Variants in ANKRD52 observed in about 807,000 individuals in gnomAD.
ANKRD52 encodes the protein serine/threonine-protein phosphatase 6 regulatory ankyrin repeat subunit C.
ANKRD52 carries 7 observed loss-of-function variants against 116.0 expected under a neutral mutation model. The observed-to-expected ratio is 0.06, with a 90% CI of 0.03 to 0.11. ANKRD52 has a LOEUF of 0.11. Ranked by LOEUF, ANKRD52 falls within the 10% of genes least tolerant of loss-of-function variation. The pLI, the probability that ANKRD52 is intolerant of heterozygous loss-of-function variation, is 1.00. For missense variants in ANKRD52, 839 were observed against 1,408.6 expected (o/e 0.60, Z 6.47); for synonymous variants, 528 against 578.1 (o/e 0.91, Z 1.24).
At position 56,257,027 on chromosome 12, in the gene ANKRD52, G is replaced by A. The variant is rs71459350; in HGVS notation, c.249C>T (p.Ala83=). 6.2e-7 allele frequency: 1 copy of A among 1,613,396 alleles called. No homozygotes were observed. The highest frequency in any genetic ancestry group is 8.5e-7 in the Non-Finnish European group (1 of 1,179,652). ...TGGGGGTGCATACCTCGTTTCGGGA[G>A]GCAGCAGCACGATGAAGAGGGGTCA... ...LWLTPLHRAA[A]SRNEKVLGLL... is the part of the protein sequence containing the mutation. The change falls in exon 4 of 28, where the codon GCC becomes GCT. Residue 83 remains alanine, a synonymous_variant. Coordinates refer to ENST00000267116, the MANE Select transcript of ANKRD52 (RefSeq NM_173595.4).
chr12:56,256,489 C>T (rs1040378775), intron 4 of ANKRD52, among the ~76,000 whole-genome samples: 1 of 152,210 alleles, frequency 6.6e-6, no homozygotes. Context: ...CACCTCATTC[C>T]CACTGGCCTC....
rs1871726813 is a variant in ANKRD52, at chr12:56,252,100, G to A, written c.1512-5C>T. 6.2e-7 allele frequency: 1 copy of A among 1,613,972 alleles called. No homozygotes were observed. The highest frequency in any genetic ancestry group is 8.5e-7 in the Non-Finnish European group (1 of 1,179,888). ...GAAGGTGTATGGGGTTCCGCTCTGG[G>A]GAAGAGAGAGAGAAAGTTAGGGCCA... On this transcript the variant is annotated splice_polypyrimidine_tract_variant and splice_region_variant and intron_variant, in intron 14 of 27. Transcript: ENST00000267116. The surrounding 1 kb of genome is among the most constrained non-coding windows in gnomAD (Gnocchi z 4.7).
intron 15 of ANKRD52, among the ~76,000 whole-genome samples, chr12:56,251,130 G>A (rs950945893): frequency 4.6e-5 from 7 of 151,888 alleles, no homozygotes; most frequent in East Asian, 1.9e-4. Context: ...TAGTAGAGAC[G>A]GGGTTTCACC....
At position 56,252,227 on chromosome 12, in the gene ANKRD52, A is replaced by T; in HGVS notation, c.1459T>A (p.Cys487Ser). The change falls in exon 14 of 28, where the codon TGT becomes AGT. Residue 487 changes from cysteine (C) to serine (S), a missense_variant. Cys to Ser is a moderately radical substitution (Grantham distance 112, BLOSUM62 -1). This residue lies in a region of ANKRD52 where 552 missense variants were observed against 810.6 expected (regional missense o/e 0.68). Coordinates refer to ENST00000267116, the MANE Select transcript of ANKRD52 (RefSeq NM_173595.4). This position sits in a 1 kb window ranked among gnomAD's most constrained non-coding sequence, Gnocchi z 4.7. Reference sequence around the variant, plus strand: ...TAGTGGAGGGGAGAGCAGCCTTTACAGTCGGCCTCGTTGACACCTGCCCCA... The same window carrying T: ...TAGTGGAGGGGAGAGCAGCCTTTACTGTCGGCCTCGTTGACACCTGCCCCA... ...TAGAGVNEAD[C>S]KGCSPLHYAA... 5.6e-6 allele frequency: 9 copies of T among 1,613,976 alleles called. No individual in the cohort carries two copies. The highest frequency in any genetic ancestry group is 7.6e-6 in the Non-Finnish European group (9 of 1,179,878).
Position 56,243,379 on chromosome 12 carries a change from T to A in ANKRD52, c.2994A>T (p.Ala998=). Residue 998 remains alanine (A), a synonymous_variant, in exon 28 of 28, where the codon GCA becomes GCT. Transcript: ENST00000267116. The surrounding 1 kb of genome is among the most constrained non-coding windows in gnomAD (Gnocchi z 4.6). The part of the protein sequence containing the change: ...LAVDEEGHTP[A]LACAPNKDVA... ...CATCTTTGTTGGGGGCACAGGCCAG[T>A]GCTGGGGTGTGACCTGCAGGGCCAA... The A allele has an allele frequency of 6.2e-7, 1 of 1,613,806 alleles. No individual in the cohort carries two copies. The highest frequency in any genetic ancestry group is 2.2e-5 in the East Asian group (1 of 44,874).
Position 56,243,386 on chromosome 12 carries a change from G to A in ANKRD52, c.2987C>T (p.Thr996Ile), listed in dbSNP as rs1259277136. Reference sequence around the variant, plus strand: ...GTTGGGGGCACAGGCCAGTGCTGGGGTGTGACCTGCAGGGCCAAGGGGGAG... The same window carrying A: ...GTTGGGGGCACAGGCCAGTGCTGGGATGTGACCTGCAGGGCCAAGGGGGAG... ...TVLAVDEEGH[T>I]PALACAPNKD... Residue 996 changes from threonine (T) to isoleucine (I), a missense_variant, in exon 28 of 28, where the codon ACC becomes ATC. This residue lies in a region of ANKRD52 where 552 missense variants were observed against 810.6 expected (regional missense o/e 0.68). Coordinates refer to ENST00000267116, the MANE Select transcript of ANKRD52 (RefSeq NM_173595.4). The surrounding 1 kb of genome is among the most constrained non-coding windows in gnomAD (Gnocchi z 4.6). 2 of 1,613,638 alleles carry A rather than the reference G, an allele frequency of 1.2e-6. No homozygotes were observed. Among genetic ancestry groups the A allele is most frequent in the African/African-American group, 1.3e-5 (1 of 74,942 alleles).
chr12:56,249,009 T>C, intron 15 of ANKRD52, 139 bp from the exon 16 acceptor site: 6 of 582,922 alleles, frequency 1.0e-5, no homozygotes, highest in Non-Finnish European at 1.5e-5. Flanking sequence ...GTAGGTTCTC[T>C]AAATCCTACC....
At position 56,244,614 on chromosome 12, in the gene ANKRD52, AG is replaced by A. The variant is rs1256338107; in HGVS notation, c.2722+37del. Reference sequence around the variant, plus strand: ...GGCTGACCCATCCTGCAAATGCCCCAGGGGAGCTCCTCCCTTCCACAAGTGG... The same window carrying A: ...GGCTGACCCATCCTGCAAATGCCCCAGGGAGCTCCTCCCTTCCACAAGTGG... On this transcript the variant is annotated intron_variant, in intron 24 of 27. Coordinates refer to ENST00000267116, the MANE Select transcript of ANKRD52 (RefSeq NM_173595.4). The surrounding 1 kb of genome is among the most constrained non-coding windows in gnomAD (Gnocchi z 4.9). 1 of 1,611,630 alleles carries A rather than the reference AG, an allele frequency of 6.2e-7. No homozygotes were observed. Among genetic ancestry groups the A allele is most frequent in the Non-Finnish European group, 8.5e-7 (1 of 1,179,006 alleles).
chr12:56,244,467 C>T lies in ANKRD52; in HGVS notation c.2723-32G>A, dbSNP rs1461819874. ...GAGAAATGTGATAGAGGGACTGACCCCTCCCTCCAGAGCAGTAGCCATCCT... is the reference window on the plus strand; with the variant it reads ...GAGAAATGTGATAGAGGGACTGACCTCTCCCTCCAGAGCAGTAGCCATCCT... On this transcript the variant is annotated intron_variant, in intron 24 of 27. Coordinates refer to ENST00000267116, the MANE Select transcript of ANKRD52 (RefSeq NM_173595.4). The surrounding 1 kb of genome is among the most constrained non-coding windows in gnomAD (Gnocchi z 4.9). The T allele has an allele frequency of 1.6e-5, 25 of 1,609,158 alleles. No homozygotes were observed. The highest frequency in any genetic ancestry group is 2.2e-5 in the East Asian group (1 of 44,864).
intron 15 of ANKRD52, 69 bp downstream of exon 15, chr12:56,251,946 G>A (rs890386546): frequency 6.6e-7 from 1 of 1,524,074 alleles, no homozygotes; most frequent in Non-Finnish European, 9.0e-7. Flanking sequence ...GATTAGGTAG[G>A]AGGACAGTAG....
intron 2 of ANKRD52, 149 bp from the exon 3 acceptor site, chr12:56,257,510 G>C: frequency 1.3e-6 from 1 of 787,844 alleles, no homozygotes; most frequent in East Asian, 2.7e-5. Context: ...GGGAGTCAAA[G>C]GCAAGCACCT....
intron 20 of ANKRD52, 129 bp downstream of exon 20, chr12:56,247,364 A>T: frequency 8.0e-6 from 6 of 752,604 alleles, no homozygotes; most frequent in Admixed American, 3.0e-5. Flanking sequence ...AAAAAAAAAA[A>T]GAAAAAGAAA....
chr12:56,244,244 T>A lies in ANKRD52; in HGVS notation c.2805+109A>T. 6.6e-7 allele frequency: 1 copy of A among 1,521,340 alleles called. No individual in the cohort carries two copies. The highest frequency in any genetic ancestry group is 9.1e-7 in the Non-Finnish European group (1 of 1,099,902). 94.2% of individuals were successfully genotyped at this position (1,521,340 alleles called of 1,614,324 possible). ...ACAAACAGCTGCCCAACCAGTCGGA[T>A]AGGCTGGACAATCCTCACTTCTGCC... On this transcript the variant is annotated intron_variant, in intron 25 of 27. Transcript: ENST00000267116. This position sits in a 1 kb window ranked among gnomAD's most constrained non-coding sequence, Gnocchi z 4.9.
rs1592384535 is a variant in ANKRD52, at chr12:56,240,479, G to C, written c.*2663C>G. On this transcript the variant is annotated 3_prime_UTR_variant, in exon 28 of 28. Transcript: ENST00000267116. This position sits in a 1 kb window ranked among gnomAD's most constrained non-coding sequence, Gnocchi z 4.2. ...GCTTTAGGGCTGCGGTGGGGAGAGG[G>C]GGGAGGGGGAGGGCAAAGGGAAGGC... The C allele has an allele frequency of 6.6e-6, 1 of 152,230 alleles. No homozygotes were observed. The highest frequency in any genetic ancestry group is 2.1e-4 in the South Asian group (1 of 4,828). 9.4% of individuals were successfully genotyped at this position (152,230 alleles called of 1,614,324 possible).
In ANKRD52 at chr12:56,253,427, G is replaced by T. The variant is rs777774767; in HGVS notation, c.986-25C>A. 11 of 1,579,614 alleles carry T rather than the reference G, an allele frequency of 7.0e-6. No individual in the cohort carries two copies. Among genetic ancestry groups the T allele is most frequent in the Non-Finnish European group, 9.6e-6 (11 of 1,149,726 alleles). On this transcript the variant is annotated intron_variant, in intron 9 of 27. Transcript: ENST00000267116. This position sits in a 1 kb window ranked among gnomAD's most constrained non-coding sequence, Gnocchi z 5.5. ...CCTGTGAGGGGATGCACACACACAA[G>T]CTCAGGCAGACCTCAGGCTTAAGAC...
rs1328249469 is a variant in ANKRD52 at position 56,240,171 on chromosome 12, G to A, written c.*2971C>T. ...GTCAGTCTCAGTGGACAGTGGCAGT[G>A]ACCCGGGTCTGCTGGTCCTTCCTGG... is the stretch of plus-strand genomic sequence containing the variant. On this transcript the variant is annotated 3_prime_UTR_variant, in exon 28 of 28. Coordinates refer to ENST00000267116, the MANE Select transcript of ANKRD52 (RefSeq NM_173595.4). The surrounding 1 kb of genome is among the most constrained non-coding windows in gnomAD (Gnocchi z 4.2). 1 of 152,412 alleles carries A rather than the reference G, an allele frequency of 6.6e-6. No individual in the cohort carries two copies. The highest frequency in any genetic ancestry group is 6.5e-5 in the Admixed American group (1 of 15,288). 9.4% of individuals were successfully genotyped at this position (152,412 alleles called of 1,614,324 possible). A position where few individuals can be genotyped will look rare whatever the true frequency, so the allele number is the denominator to read the frequency against.
chr12:56,248,623 A>C lies in ANKRD52; in HGVS notation c.1705-57T>G, dbSNP rs1481184652. ...TCTGGAACTCCCAAGATAGTACCCC[A>C]GTCCCCGACTCGCAGTAATCCCCAC... On this transcript the variant is annotated intron_variant, in intron 16 of 27. Coordinates refer to ENST00000267116, the MANE Select transcript of ANKRD52 (RefSeq NM_173595.4). This position sits in a 1 kb window ranked among gnomAD's most constrained non-coding sequence, Gnocchi z 5.1. The C allele has an allele frequency of 2.0e-6, 3 of 1,520,466 alleles. No individual in the cohort carries two copies. Among genetic ancestry groups the C allele is most frequent in the South Asian group, 2.4e-5 (2 of 83,794 alleles). The allele number at this position is 1,520,466 out of a possible 1,614,324, so 94.2% of individuals were successfully genotyped here.
At position 56,247,153 on chromosome 12, in the gene ANKRD52, TG is replaced by T; in HGVS notation, c.2184+339del. On this transcript the variant is annotated intron_variant, in intron 20 of 27. Transcript: ENST00000267116. ...TGAACCCAGGAGTTCAAGACCAGCT[TG>T]GGCAAGATGGTAAGACCCCCATATC... Among the ~76,000 whole-genome samples, 2 of 150,302 alleles carry T rather than the reference TG, an allele frequency of 1.3e-5. 1 individual carries two copies. Among genetic ancestry groups the T allele is most frequent in the Middle Eastern group, 6.9e-3 (2 of 288 alleles).
chr12:56,252,829 T>A lies in ANKRD52; in HGVS notation c.1252A>T (p.Thr418Ser). 6.2e-7 allele frequency: 1 copy of A among 1,613,954 alleles called. No individual in the cohort carries two copies. The highest frequency in any genetic ancestry group is 8.5e-7 in the Non-Finnish European group (1 of 1,179,902). ...HVLSAGFDINTPDNLGRTCLH... is the reference protein window; with the variant it reads ...HVLSAGFDINSPDNLGRTCLH... The stretch of plus-strand genomic sequence containing the variant: ...CAGGTACGGCCAAGGTTGTCAGGTG[T>A]ATTGATGTCAAACCCAGCTGAAAGC... The change falls in exon 12 of 28, where the codon ACA (threonine) becomes TCA (serine). Residue 418 changes from threonine (T) to serine (S), a missense_variant. Coordinates refer to ENST00000267116, the MANE Select transcript of ANKRD52 (RefSeq NM_173595.4). The surrounding 1 kb of genome is among the most constrained non-coding windows in gnomAD (Gnocchi z 4.7).
Sources: allele counts gnomAD v4.1 joint callset (sites outside exome capture counted in the v4.1 genomes callset), GRCh38; gene constraint gnomAD v4.1.1; regional missense constraint gnomAD v4.1.1; non-coding constraint Gnocchi (gnomAD v3.1); transcripts MANE v1.5; gene names NCBI Gene and HGNC (gene_info 2026-07-23, HGNC 2026-07-21).